Variants in ATP7B observed in about 807,000 individuals in gnomAD.
ATP7B encodes ATPase copper transporting beta.
ATP7B carries 113 observed loss-of-function variants against 118.9 expected under a neutral mutation model. That is an observed-to-expected ratio of 0.95 (90% CI 0.82 to 1.11). ATP7B has a LOEUF of 1.11. Ranked by LOEUF, ATP7B falls within the 50% of genes most tolerant of loss-of-function variation. The probability of loss-of-function intolerance (pLI) is 0.00; values close to 1 mark genes in which losing one functional copy is unlikely to be tolerated. For synonymous variants in ATP7B, 777 were observed against 727.4 expected, an observed-to-expected ratio of 1.07 and a Z score of -1.10; for missense variants, 1,867 against 1,871.4, an observed-to-expected ratio of 1.00 and a Z score of 0.04.
At chr13:51,958,168 AC>A (rs1410411913) in intron 8 of ATP7B, 142 bp downstream of exon 8, 5 of 924,548 alleles carry the variant, frequency 5.4e-6, no homozygotes, top group Non-Finnish European at 8.3e-6. Flanking sequence ...TGACTAGAGC[AC>A]CTTAATTATA....
At chr13:51,959,902 T>A in intron 7 of ATP7B, 1 of 544,676 alleles carries the variant, frequency 1.8e-6, no homozygotes, top group Non-Finnish European at 3.3e-6. Context: ...TCTGATCACT[T>A]GCAATCAACT....
At chr13:51,998,413 T>C (rs1305058499) in intron 1 of ATP7B, among the ~76,000 whole-genome samples, 1 of 152,240 alleles carries the variant, frequency 6.6e-6, no homozygotes, top group Non-Finnish European at 1.5e-5. Flanking sequence ...GTTAAATATT[T>C]ACATATTTAC....
intron 2 of ATP7B, among the ~76,000 whole-genome samples, chr13:51,972,042 G>A (rs1951866783): frequency 6.6e-6 from 1 of 152,292 alleles, no homozygotes; most frequent in Middle Eastern, 3.4e-3. Context: ...CAGGGCCCAT[G>A]TCTGGGACCT....
At chr13:51,973,835 G>C (rs1383439985) in intron 2 of ATP7B, 100 bp downstream of exon 2, 1 of 1,544,424 alleles carries the variant, frequency 6.5e-7, no homozygotes, top group African/African-American at 1.4e-5. Context: ...GTTGACATGG[G>C]AGGCAGGGAG....
At chr13:51,986,039 C>T (rs1406787140) in intron 1 of ATP7B, among the ~76,000 whole-genome samples, 1 of 152,100 alleles carries the variant, frequency 6.6e-6, no homozygotes, top group East Asian at 1.9e-4. Flanking sequence ...CAAACGCTAG[C>T]AGAAGACAAG....
intron 1 of ATP7B, among the ~76,000 whole-genome samples, chr13:51,984,163 C>A (rs1345100628): frequency 1.3e-5 from 2 of 151,484 alleles, no homozygotes; most frequent in African/African-American, 2.4e-5. Context: ...AGCTAAGAAC[C>A]CTGAAAAAAG....
intron 6 of ATP7B, among the ~76,000 whole-genome samples, chr13:51,961,264 G>A (rs554502878): frequency 6.6e-6 from 1 of 151,894 alleles, no homozygotes; most frequent in Admixed American, 6.6e-5. Context: ...GACAGGGAAA[G>A]TATTTATCCC....
chr13:52,009,687 CT>C (rs1953933734), intron 1 of ATP7B, among the ~76,000 whole-genome samples: 1 of 152,170 alleles, frequency 6.6e-6, no homozygotes, highest in South Asian at 2.1e-4. Flanking sequence ...AAAGTTTTCC[CT>C]TAACTCCTAC....
intron 6 of ATP7B, 106 bp from the exon 7 acceptor site, chr13:51,960,428 TG>T: frequency 7.3e-7 from 1 of 1,377,270 alleles, no homozygotes; most frequent in South Asian, 1.2e-5. Flanking sequence ...CTTTGTCACA[TG>T]TCTGGGACAG....
intron 3 of ATP7B, among the ~76,000 whole-genome samples, chr13:51,969,412 C>G (rs1394554384): frequency 6.6e-6 from 1 of 151,892 alleles, no homozygotes; most frequent in Non-Finnish European, 1.5e-5. Context: ...CAGTTATTGA[C>G]TGCTGTTACC....
chr13:51,974,280 C>A lies in ATP7B; in HGVS notation c.940G>T (p.Ala314Ser), dbSNP rs774524914. ...SCTSPVALQRAIEALPPGNFK... is the reference protein window; with the variant it reads ...SCTSPVALQRSIEALPPGNFK... ...TTCCCAGGTGGAAGTGCCTCGATAG[C>A]CCTCTGCAGAGCCACTGGGCTGGTA... is the stretch of plus-strand genomic sequence containing the variant. Residue 314 changes from alanine to serine, a missense_variant, in exon 2 of 21, where the codon GCT (alanine) becomes TCT (serine). Coordinates refer to ENST00000242839, the MANE Select transcript of ATP7B (RefSeq NM_000053.4). The A allele has an allele frequency of 6.2e-7, 1 of 1,614,126 alleles. No individual in the cohort carries two copies. The highest frequency in any genetic ancestry group is 1.1e-5 in the South Asian group (1 of 91,076).
intron 9 of ATP7B, among the ~76,000 whole-genome samples, chr13:51,952,308 A>G (rs1958059196): frequency 6.6e-6 from 1 of 152,250 alleles, no homozygotes. Flanking sequence ...AATTAATTGT[A>G]TAGGTAATAC....
At chr13:51,957,957 AG>A (rs1396270209) in intron 8 of ATP7B, 3 of 458,664 alleles carry the variant, frequency 6.5e-6, no homozygotes, top group Non-Finnish European at 1.2e-5. Context: ...GGGACAATGA[AG>A]GGTGTTAAAA....
intron 1 of ATP7B, among the ~76,000 whole-genome samples, chr13:51,993,253 C>T (rs1446286606): frequency 2.6e-5 from 4 of 151,870 alleles, no homozygotes; most frequent in African/African-American, 7.3e-5. Flanking sequence ...GTATATGTTA[C>T]TTTTATAATC....
intron 1 of ATP7B, among the ~76,000 whole-genome samples, chr13:52,010,974 T>C (rs1954000012): frequency 3.9e-5 from 6 of 152,258 alleles, no homozygotes; most frequent in Admixed American, 3.3e-4. Flanking sequence ...TCCAGGTAAC[T>C]AACTTCATCG....
chr13:51,958,638 T>C lies in ATP7B; in HGVS notation c.2122-94A>G, dbSNP rs1293705533. 11 of 1,062,208 alleles carry C rather than the reference T, an allele frequency of 1.0e-5. No homozygotes were observed. In the East Asian group the frequency reaches 2.4e-4, roughly 24 times the overall value. The allele number at this position is 1,062,208 out of a possible 1,614,324, so 65.8% of individuals were successfully genotyped here. A position where few individuals can be genotyped will look rare whatever the true frequency, so the allele number is the denominator to read the frequency against. On this transcript the variant is annotated intron_variant, in intron 7 of 20. Coordinates refer to ENST00000242839, the MANE Select transcript of ATP7B (RefSeq NM_000053.4). ...AGGGCCCTGGGGATGGCAAAGCCTCTAGCTTTGTGCACAGTCGTGACAGTA... is the reference window on the plus strand; with the variant it reads ...AGGGCCCTGGGGATGGCAAAGCCTCCAGCTTTGTGCACAGTCGTGACAGTA...
chr13:51,935,103 G>C, intron 20 of ATP7B, 74 bp from the exon 21 acceptor site: 1 of 1,562,656 alleles, frequency 6.4e-7, no homozygotes, highest in Admixed American at 1.8e-5. Context: ...GCCTGGTGAA[G>C]GCCTCTCATC....
chr13:51,973,198 G>A (rs142912909), intron 2 of ATP7B, among the ~76,000 whole-genome samples: 17 of 152,226 alleles, frequency 1.1e-4, no homozygotes, highest in African/African-American at 4.1e-4. Flanking sequence ...AAAATCTTTT[G>A]AGAAGGTGAT....
At chr13:51,978,901 C>T (rs1254974804) in intron 1 of ATP7B, 1 of 152,196 alleles carries the variant, frequency 6.6e-6, no homozygotes, top group East Asian at 1.9e-4. Flanking sequence ...CTGAATGGGG[C>T]TGGCAGTTCC....
Sources: gnomAD v4.1 joint callset for allele counts (sites outside exome capture counted in the v4.1 genomes callset) on GRCh38, gnomAD v4.1.1 for gene constraint, MANE v1.5 for transcripts, NCBI Gene and HGNC (gene_info 2026-07-23, HGNC 2026-07-21) for gene names.